DPYD: variants seen among roughly 807,000 people sequenced by gnomAD.
DPYD encodes the protein dihydropyrimidine dehydrogenase.
DPYD carries 109 observed loss-of-function variants against 116.2 expected under a neutral mutation model. The observed-to-expected ratio is 0.94, with a 90% CI of 0.80 to 1.10. The LOEUF (loss-of-function observed/expected upper bound fraction) is 1.10. Ranked by LOEUF, DPYD falls within the 50% of genes least tolerant of loss-of-function variation. The pLI is 0.00. For missense variants in DPYD, 1,302 were observed against 1,254.5 expected (o/e 1.04, Z -0.57); for synonymous variants, 440 against 432.0 (o/e 1.02, Z -0.23).
intron 18 of DPYD, among the ~76,000 whole-genome samples, chr1:97,240,068 G>T (rs1662225577): frequency 6.6e-6 from 1 of 152,080 alleles, no homozygotes; most frequent in South Asian, 2.1e-4. Context: ...ACAAAAGCAT[G>T]ATGCCTATGA....
At chr1:97,508,552 A>C (rs182242908) in intron 13 of DPYD, among the ~76,000 whole-genome samples, 5 of 152,018 alleles carry the variant, frequency 3.3e-5, no homozygotes, top group African/African-American at 4.8e-5. Context: ...AGACAAGCAT[A>C]GGTGCCACTC....
At chr1:97,144,358 T>C (rs1231114204) in intron 20 of DPYD, among the ~76,000 whole-genome samples, 1 of 152,164 alleles carries the variant, frequency 6.6e-6, no homozygotes, top group Non-Finnish European at 1.5e-5. Flanking sequence ...TAATGGAAGG[T>C]AAAATTACAG....
intron 3 of DPYD, among the ~76,000 whole-genome samples, chr1:97,763,494 G>A (rs1665690980): frequency 6.6e-6 from 1 of 151,432 alleles, no homozygotes; most frequent in African/African-American, 2.4e-5. Context: ...CCTTCATTGT[G>A]TCCATCAAGG....
chr1:97,440,636 T>A (rs747995756), intron 14 of DPYD, among the ~76,000 whole-genome samples: 1 of 152,210 alleles, frequency 6.6e-6, no homozygotes, highest in South Asian at 2.1e-4. Context: ...TATACTTCCA[T>A]CTCTTTCCTC....
At chr1:97,314,427 T>A (rs947424221) in intron 16 of DPYD, among the ~76,000 whole-genome samples, 1 of 151,814 alleles carries the variant, frequency 6.6e-6, no homozygotes, top group South Asian at 2.1e-4. Context: ...ATTTCCCTAG[T>A]GTACCATTCC....
intron 20 of DPYD, among the ~76,000 whole-genome samples, chr1:97,115,315 C>T (rs1651886088): frequency 6.6e-6 from 1 of 152,180 alleles, no homozygotes; most frequent in South Asian, 2.1e-4. Flanking sequence ...TGACTACCAG[C>T]ATTGGCCCCC....
chr1:97,847,724 AAAAG>A (rs148572831), intron 2 of DPYD, among the ~76,000 whole-genome samples: 141 of 152,342 alleles, frequency 9.3e-4, no homozygotes, highest in African/African-American at 3.2e-3. Flanking sequence ...CAAAAACAAC[AAAAG>A]AAAGAAATAC....
intron 14 of DPYD, among the ~76,000 whole-genome samples, chr1:97,388,675 G>C (rs1248509827): frequency 1.3e-5 from 2 of 152,222 alleles, no homozygotes; most frequent in African/African-American, 2.4e-5. Context: ...AGAATGAATT[G>C]AGTGAATAGA....
At chr1:97,400,501 T>C (rs555588574) in intron 14 of DPYD, among the ~76,000 whole-genome samples, 16 of 152,208 alleles carry the variant, frequency 1.1e-4, no homozygotes, top group Non-Finnish European at 2.1e-4. Context: ...TTTCTGTTGA[T>C]TGGAATAGTT....
intron 16 of DPYD, among the ~76,000 whole-genome samples, chr1:97,352,742 C>T (rs1036031488): frequency 2.0e-5 from 3 of 151,960 alleles, no homozygotes; most frequent in Admixed American, 6.6e-5. Context: ...CCTCCGGACA[C>T]GTGTTTGGGG....
chr1:97,275,567 T>C (rs7539889), intron 18 of DPYD, among the ~76,000 whole-genome samples: 38,028 of 152,144 alleles, frequency 0.25, 5,168 homozygotes, highest in Non-Finnish European at 0.29. Flanking sequence ...AGGGTTATTA[T>C]GAGTATGTGA....
chr1:97,424,698 A>C (rs1263835520), intron 14 of DPYD, among the ~76,000 whole-genome samples: 3 of 152,064 alleles, frequency 2.0e-5, no homozygotes, highest in Non-Finnish European at 4.4e-5. Context: ...AGAAACCGAT[A>C]CTAGCATCTG....
intron 11 of DPYD, among the ~76,000 whole-genome samples, chr1:97,571,406 G>A (rs1260260726): frequency 6.6e-6 from 1 of 151,890 alleles, no homozygotes; most frequent in Non-Finnish European, 1.5e-5. Flanking sequence ...GAAAGTTTAA[G>A]TGACTTGGAG....
In DPYD at chr1:97,078,810, T is replaced by G. The variant is rs1181953741; in HGVS notation, c.*166A>C. ...ACCACTAATTGAATGGTCATTGACA[T>G]GAGACATTTTTTACACTTACAAATG... On this transcript the variant is annotated 3_prime_UTR_variant, in exon 23 of 23. Transcript: ENST00000370192. 7.8e-6 allele frequency: 6 copies of G among 767,636 alleles called. No individual in the cohort carries two copies. The highest frequency in any genetic ancestry group is 6.9e-5 in the Admixed American group (3 of 43,170). The allele number at this position is 767,636 out of a possible 1,614,324, so 47.6% of individuals were successfully genotyped here. A position where few individuals can be genotyped will look rare whatever the true frequency, so the allele number is the denominator to read the frequency against.
At chr1:97,276,177 C>T (rs889592809) in intron 18 of DPYD, among the ~76,000 whole-genome samples, 1 of 152,072 alleles carries the variant, frequency 6.6e-6, no homozygotes, top group African/African-American at 2.4e-5. Flanking sequence ...AAGAACTATT[C>T]TTTCCCAAGG....
intron 5 of DPYD, among the ~76,000 whole-genome samples, chr1:97,709,664 T>TC (rs1662176824): frequency 6.6e-6 from 1 of 151,778 alleles, no homozygotes; most frequent in Non-Finnish European, 1.5e-5. Flanking sequence ...CACAGGATTT[T>TC]CCCCCAAGTC....
intron 18 of DPYD, among the ~76,000 whole-genome samples, chr1:97,248,573 T>C (rs1285187561): frequency 1.3e-5 from 2 of 152,118 alleles, no homozygotes; most frequent in Admixed American, 6.6e-5. Context: ...TTAATGTAAT[T>C]CACCAATCAA....
intron 18 of DPYD, among the ~76,000 whole-genome samples, chr1:97,253,007 T>C (rs535900705): frequency 6.6e-6 from 1 of 152,160 alleles, no homozygotes; most frequent in Non-Finnish European, 1.5e-5. Flanking sequence ...AATGGAAATG[T>C]ATTGAAAAAG....
At chr1:97,540,469 A>G (rs777638544) in intron 12 of DPYD, among the ~76,000 whole-genome samples, 36 of 152,192 alleles carry the variant, frequency 2.4e-4, no homozygotes, top group Non-Finnish European at 4.6e-4. Flanking sequence ...GAAGAGACAC[A>G]TAGGGCAAGG....
Sources: gnomAD v4.1 joint callset for allele counts (sites outside exome capture counted in the v4.1 genomes callset) on GRCh38, gnomAD v4.1.1 for gene constraint, MANE v1.5 for transcripts, NCBI Gene and HGNC (gene_info 2026-07-23, HGNC 2026-07-21) for gene names.